Variants in SDK1 observed in about 807,000 individuals in gnomAD.
SDK1 encodes the protein protein sidekick-1.
A neutral mutation model predicts 245.5 loss-of-function variants in SDK1; 157 were observed. The ratio of observed to expected loss-of-function variants is 0.64; its 90% confidence interval spans 0.56 to 0.73. The LOEUF (loss-of-function observed/expected upper bound fraction) is 0.73, where lower values mean the gene tolerates loss of function less well. SDK1 is among the 30% of genes least tolerant of loss of function. The pLI is 0.00. For synonymous variants in SDK1, 1,647 were observed against 1,278.5 expected (o/e 1.29, Z -6.15); for missense variants, 3,583 against 3,002.3 (o/e 1.19, Z -4.52).
chr7:3,519,249 C>A (rs1449610929), intron 1 of SDK1, among the ~76,000 whole-genome samples: 3 of 152,078 alleles, frequency 2.0e-5, no homozygotes, highest in Non-Finnish European at 4.4e-5. Flanking sequence ...CTATCATTAA[C>A]AATGATTATG....
rs975814968 is a variant in SDK1 at position 4,185,611 on chromosome 7, G to A, written c.5098+7025G>A. Among the ~76,000 whole-genome samples, 3 of 152,248 alleles carry A rather than the reference G, an allele frequency of 2.0e-5. No individual in the cohort carries two copies. The South Asian group carries it at 6.2e-4, about 32-fold the overall frequency. On this transcript the variant is annotated intron_variant, in intron 35 of 44. Transcript: ENST00000404826. ...CCTGCATCCACGCGAGCCCTTGGAT[G>A]GGGCAGCTGTCTTCTCTTTCCCGGG...
chr7:3,629,212 A>C (rs918402592), intron 2 of SDK1, among the ~76,000 whole-genome samples: 2 of 151,680 alleles, frequency 1.3e-5, no homozygotes, highest in African/African-American at 4.8e-5. Context: ...GAGGCAGGAG[A>C]ATGGTGTGAA....
intron 7 of SDK1, among the ~76,000 whole-genome samples, chr7:3,955,823 C>G (rs1052659714): frequency 3.9e-5 from 6 of 152,184 alleles, no homozygotes; most frequent in Non-Finnish European, 7.3e-5. Flanking sequence ...TGCACTTTGT[C>G]ACACTGGCAT....
chr7:3,754,891 C>G (rs1001638079), intron 4 of SDK1, among the ~76,000 whole-genome samples: 1 of 152,190 alleles, frequency 6.6e-6, no homozygotes, highest in Non-Finnish European at 1.5e-5. Context: ...GGGCCTTCAC[C>G]AGCTTCCCTT....
At chr7:3,549,851 A>G (rs573616915) in intron 1 of SDK1, among the ~76,000 whole-genome samples, 3 of 151,928 alleles carry the variant, frequency 2.0e-5, no homozygotes, top group Non-Finnish European at 4.4e-5. Context: ...TTTTTTTCCC[A>G]TAGGCATAGG....
intron 20 of SDK1, among the ~76,000 whole-genome samples, chr7:4,072,260 A>G (rs149894500): frequency 2.0e-5 from 3 of 152,332 alleles, no homozygotes; most frequent in African/African-American, 7.2e-5. Flanking sequence ...AGGGGCAGCA[A>G]AGTTGCAGTG....
intron 5 of SDK1, among the ~76,000 whole-genome samples, chr7:3,848,753 C>T (rs1283993889): frequency 2.6e-5 from 4 of 151,956 alleles, no homozygotes; most frequent in African/African-American, 4.8e-5. Context: ...CTCACTGCAA[C>T]CTCCGCCTCC....
chr7:3,500,339 A>G lies in SDK1; in HGVS notation c.299-118741A>G, dbSNP rs188476397. Among the ~76,000 whole-genome samples the G allele has an allele frequency of 2.7e-4, 41 of 152,226 alleles. 1 individual carries two copies. The East Asian group carries it at 7.9e-3, about 29-fold the overall frequency. ...ATGTCATCTGGTATCTTAAAACGTC[A>G]TGAGAAATGCATTCTTTGAGATCTT... On this transcript the variant is annotated intron_variant, in intron 1 of 44. Transcript: ENST00000404826.
chr7:3,504,258 T>C (rs570920961), intron 1 of SDK1, among the ~76,000 whole-genome samples: 329 of 148,064 alleles, frequency 2.2e-3, no homozygotes, highest in African/African-American at 7.6e-3. Context: ...GATGCTGCTG[T>C]TGTTGTCGTT....
intron 1 of SDK1, among the ~76,000 whole-genome samples, chr7:3,352,327 C>T (rs534296747): frequency 6.6e-6 from 1 of 151,580 alleles, no homozygotes; most frequent in Admixed American, 6.6e-5. Flanking sequence ...TTTGTGAATT[C>T]TTCTTAGGAG....
At chr7:4,162,747 T>C (rs1781233137) in intron 32 of SDK1, among the ~76,000 whole-genome samples, 1 of 152,156 alleles carries the variant, frequency 6.6e-6, no homozygotes, top group Non-Finnish European at 1.5e-5. Flanking sequence ...AATGAAGGCA[T>C]ATTCTTCCAG....
At chr7:3,388,619 G>A (rs1781668845) in intron 1 of SDK1, among the ~76,000 whole-genome samples, 1 of 152,100 alleles carries the variant, frequency 6.6e-6, no homozygotes, top group Admixed American at 6.5e-5. Flanking sequence ...GTAGTTGTGT[G>A]TACTTTCTAG....
intron 4 of SDK1, among the ~76,000 whole-genome samples, chr7:3,672,762 T>TATACAC (rs1554307108): frequency 3.5e-5 from 2 of 57,644 alleles, no homozygotes; most frequent in African/African-American, 1.4e-4. Context: ...TATAATTTTA[T>TATACAC]ATATATATAT....
chr7:4,160,913 G>A (rs1025410077), intron 31 of SDK1, among the ~76,000 whole-genome samples: 1 of 152,184 alleles, frequency 6.6e-6, no homozygotes. Context: ...GGTGACCCCG[G>A]GACCCAATCT....
chr7:3,682,258 A>G (rs1784123236), intron 4 of SDK1, among the ~76,000 whole-genome samples: 1 of 152,182 alleles, frequency 6.6e-6, no homozygotes. Flanking sequence ...CTCTCACCCC[A>G]TGGCTTACTA....
chr7:3,957,175 T>C (rs941474882), intron 7 of SDK1, among the ~76,000 whole-genome samples: 1 of 151,964 alleles, frequency 6.6e-6, no homozygotes, highest in African/African-American at 2.4e-5. Context: ...GGGGTGGGGG[T>C]TTGGGGTGCT....
At chr7:4,146,068 C>T (rs965356596) in intron 29 of SDK1, 152 bp downstream of exon 29, 4 of 660,832 alleles carry the variant, frequency 6.1e-6, no homozygotes, top group South Asian at 2.0e-5. Flanking sequence ...ACCCATTGCA[C>T]CTGACATGGA....
chr7:3,672,778 T>TAC (rs1562646707), intron 4 of SDK1, among the ~76,000 whole-genome samples: 4 of 99,286 alleles, frequency 4.0e-5, no homozygotes, highest in Non-Finnish European at 8.2e-5. Flanking sequence ...TATATATATA[T>TAC]ATATATATAT....
At chr7:3,416,384 A>G (rs1243059437) in intron 1 of SDK1, among the ~76,000 whole-genome samples, 1 of 151,630 alleles carries the variant, frequency 6.6e-6, no homozygotes. Flanking sequence ...TCCCCACGGG[A>G]GAAAGAATGG....
Sources: gnomAD v4.1 joint callset for allele counts (sites outside exome capture counted in the v4.1 genomes callset) on GRCh38, gnomAD v4.1.1 for gene constraint, MANE v1.5 for transcripts, NCBI Gene and HGNC (gene_info 2026-07-23, HGNC 2026-07-21) for gene names.